The following HPRT1 variants were observed in gnomAD, a reference collection of about 807,000 sequenced individuals.
HPRT1 encodes hypoxanthine phosphoribosyltransferase 1, also known as hypoxanthine-guanine phosphoribosyltransferase.
Under a neutral mutation model 19.0 loss-of-function variants are expected in HPRT1, and 4 were observed. The observed-to-expected ratio is 0.21, with a 90% CI of 0.10 to 0.48. The LOEUF (loss-of-function observed/expected upper bound fraction) is 0.48. Ranked by LOEUF, HPRT1 falls within the 20% of genes least tolerant of loss-of-function variation. The probability of loss-of-function intolerance (pLI) is 0.98; values close to 1 mark genes in which losing one functional copy is unlikely to be tolerated. For synonymous variants in HPRT1, 53 were observed against 54.9 expected (o/e 0.97, Z 0.15); for missense variants, 65 against 164.0 (o/e 0.40, Z 3.30).
At chrX:134,486,041 C>A (rs1440448790) in intron 3 of HPRT1, among the ~76,000 whole-genome samples, 1 of 111,565 alleles carries the variant, frequency 9.0e-6, no homozygotes, top group Non-Finnish European at 1.9e-5. Flanking sequence ...CCAGCCCTTA[C>A]AATTTGCTTG....
At chrX:134,480,458 T>TC (rs2077636353) in intron 3 of HPRT1, among the ~76,000 whole-genome samples, 1 of 108,323 alleles carries the variant, frequency 9.2e-6, no homozygotes, top group Admixed American at 1.0e-4. Flanking sequence ...AGAAATGTTT[T>TC]TTTTTTTGAG....
chrX:134,498,686 TA>T lies in HPRT1; in HGVS notation c.609+4del. 1 of 1,102,401 alleles carries T rather than the reference TA, an allele frequency of 9.1e-7. No homozygotes were observed. Among genetic ancestry groups the T allele is most frequent in the Non-Finnish European group, 1.3e-6 (1 of 795,491 alleles). 90.9% of individuals were successfully genotyped at this position (1,102,401 alleles called of 1,213,427 possible). On this transcript the variant is annotated splice_donor_region_variant and intron_variant, in intron 8 of 8. Coordinates refer to ENST00000298556, the MANE Select transcript of HPRT1 (RefSeq NM_000194.3). ...AATGAATACTTCAGGGATTTGAATG[TA>T]AGTAATTGCTTCTTTTTCTCACTCA...
intron 6 of HPRT1, among the ~76,000 whole-genome samples, chrX:134,497,914 TC>T (rs1360512602): frequency 9.3e-6 from 1 of 107,922 alleles, no homozygotes; most frequent in Non-Finnish European, 1.9e-5. Flanking sequence ...GCCACTGCAC[TC>T]CAGCCTGGGC....
At position 134,480,322 on chromosome X, in the gene HPRT1, G is replaced by C. The variant is rs1195260183; in HGVS notation, c.318+4958G>C. On this transcript the variant is annotated intron_variant, in intron 3 of 8. Transcript: ENST00000298556. ...AACTGATGTGGATCCTCTAATATGG[G>C]CTTCCTATTATTCATTCTCTATTAG... Among the ~76,000 whole-genome samples the C allele has an allele frequency of 1.6e-4, 18 of 111,177 alleles. No homozygotes were observed. The East Asian group carries it at 2.5e-3, about 16-fold the overall frequency.
intron 3 of HPRT1, among the ~76,000 whole-genome samples, chrX:134,477,432 T>C (rs1248653878): frequency 9.0e-6 from 1 of 111,229 alleles, no homozygotes; most frequent in Non-Finnish European, 1.9e-5. Context: ...ATGTTTTAAC[T>C]ATACAATTCC....
chrX:134,483,575 A>C (rs1366591712), intron 3 of HPRT1, among the ~76,000 whole-genome samples: 1 of 111,079 alleles, frequency 9.0e-6, no homozygotes, highest in Non-Finnish European at 1.9e-5. Flanking sequence ...AGGGTAGAGC[A>C]ACTCTGGAGG....
chrX:134,499,882 A>T (rs2077691113), intron 8 of HPRT1, 148 bp from the exon 9 acceptor site: 1 of 468,958 alleles, frequency 2.1e-6, no homozygotes, highest in African/African-American at 2.4e-5. Context: ...TACACTCCCC[A>T]AAAGTTACTG....
At chrX:134,493,927 G>A (rs1156771188) in intron 6 of HPRT1, among the ~76,000 whole-genome samples, 1 of 111,598 alleles carries the variant, frequency 9.0e-6, no homozygotes, top group Non-Finnish European at 1.9e-5. Flanking sequence ...GAAGGGGTGG[G>A]CCCTGAAGAT....
At chrX:134,467,378 A>C (rs761030535) in intron 1 of HPRT1, among the ~76,000 whole-genome samples, 180 of 112,242 alleles carry the variant, frequency 1.6e-3, no homozygotes, top group Non-Finnish European at 3.0e-3. Flanking sequence ...TTGTAAATTT[A>C]TAATCATTCT....
At position 134,473,346 on chromosome X, in the gene HPRT1, A is replaced by T; in HGVS notation, c.28-13A>T. 1 of 986,803 alleles carries T rather than the reference A, an allele frequency of 1.0e-6. No individual in the cohort carries two copies. The highest frequency in any genetic ancestry group is 1.9e-5 in the South Asian group (1 of 52,376). 81.3% of individuals were successfully genotyped at this position (986,803 alleles called of 1,213,427 possible). A position where few individuals can be genotyped will look rare whatever the true frequency, so the allele number is the denominator to read the frequency against. ...GTAATGCTCTCATTGAAACAGCTAT[A>T]TTTCTTTTTCAGATTAGTGATGATG... On this transcript the variant is annotated splice_polypyrimidine_tract_variant and intron_variant, in intron 1 of 8. Coordinates refer to ENST00000298556, the MANE Select transcript of HPRT1 (RefSeq NM_000194.3).
intron 5 of HPRT1, 34 bp from the exon 6 acceptor site, chrX:134,493,474 A>G (rs752213035): frequency 2.0e-6 from 2 of 1,008,108 alleles, no homozygotes; most frequent in East Asian, 6.1e-5. Flanking sequence ...GTGACTCTGA[A>G]TTTAAAGCTA....
rs746922210 is a variant in HPRT1, at chrX:134,498,598, T to G, written c.533-10T>G. The G allele has an allele frequency of 8.7e-7, 1 of 1,150,309 alleles. No individual in the cohort carries two copies. Among genetic ancestry groups the G allele is most frequent in the South Asian group, 1.8e-5 (1 of 55,598 alleles). The allele number at this position is 1,150,309 out of a possible 1,213,427, so 94.8% of individuals were successfully genotyped here. On this transcript the variant is annotated splice_polypyrimidine_tract_variant and intron_variant, in intron 7 of 8. Transcript: ENST00000298556. The stretch of plus-strand genomic sequence containing the variant: ...TCTTTATCTAAATGATGAATTATGA[T>G]TCTTTTTAGTTGTTGGATTTGAAAT...
chrX:134,481,700 C>T (rs1314821626), intron 3 of HPRT1, among the ~76,000 whole-genome samples: 1 of 111,781 alleles, frequency 8.9e-6, no homozygotes, highest in Non-Finnish European at 1.9e-5. Flanking sequence ...AGTATACTTT[C>T]TAGTTCTTTC....
chrX:134,463,149 A>C (rs1317949227), intron 1 of HPRT1, among the ~76,000 whole-genome samples: 2 of 111,910 alleles, frequency 1.8e-5, no homozygotes, highest in African/African-American at 6.5e-5. Flanking sequence ...AGATAGTTGA[A>C]GTAACTTGCC....
rs760018529 is a variant in HPRT1 at position 134,494,417 on chromosome X, A to T, written c.485+827A>T. On this transcript the variant is annotated intron_variant, in intron 6 of 8. Coordinates refer to ENST00000298556, the MANE Select transcript of HPRT1 (RefSeq NM_000194.3). The stretch of plus-strand genomic sequence containing the variant: ...AACTTCTGCTTTTTCCTAAGTGATT[A>T]ACAGGTTTTTATAAGCCCTTTTGAA... 3.3e-4 allele frequency among the ~76,000 whole-genome samples: 37 copies of T among 112,366 alleles called. No homozygotes were observed. In the South Asian group the frequency reaches 0.014, roughly 41 times the overall value.
chrX:134,486,535 G>T lies in HPRT1; in HGVS notation c.384+5G>T. 9.0e-7 allele frequency: 1 copy of T among 1,111,665 alleles called. No individual in the cohort carries two copies. The highest frequency in any genetic ancestry group is 1.8e-5 in the African/African-American group (1 of 55,139). 91.6% of individuals were successfully genotyped at this position (1,111,665 alleles called of 1,213,427 possible). The stretch of plus-strand genomic sequence containing the variant: ...CTCTCAACTTTAACTGGAAAGGTAT[G>T]TATCTTGAAAGGGAAGAAAAAAAAG... On this transcript the variant is annotated splice_donor_5th_base_variant and intron_variant, in intron 4 of 8. Transcript: ENST00000298556.
In HPRT1 at chrX:134,475,187, A is replaced by G. The variant is rs368429361; in HGVS notation, c.141A>G (p.Glu47=). ...CCTGATTTTATTTCTGTAGGACTGA[A>G]CGTCTTGCTCGAGATGTGATGAAGG... The part of the protein sequence containing the change: ...IPHGLIMDRT[E]RLARDVMKEM... The change falls in exon 3 of 9, where the codon GAA becomes GAG. Residue 47 remains glutamate, a synonymous_variant. Coordinates refer to ENST00000298556, the MANE Select transcript of HPRT1 (RefSeq NM_000194.3). The G allele has an allele frequency of 4.2e-6, 5 of 1,197,658 alleles. No homozygotes were observed. The African/African-American group carries it at 8.8e-5, about 21-fold the overall frequency.
chrX:134,465,592 C>T (rs1372499087), intron 1 of HPRT1, among the ~76,000 whole-genome samples: 1 of 112,214 alleles, frequency 8.9e-6, no homozygotes, highest in Non-Finnish European at 1.9e-5. Flanking sequence ...AAGGTAATTT[C>T]TCAATACTCT....
intron 3 of HPRT1, among the ~76,000 whole-genome samples, chrX:134,484,259 A>AT (rs1278174594): frequency 8.0e-5 from 9 of 112,496 alleles, no homozygotes; most frequent in African/African-American, 2.3e-4. Context: ...TATTTAACAG[A>AT]TTTTATAAAT....
Sources: gnomAD v4.1 joint callset for allele counts (sites outside exome capture counted in the v4.1 genomes callset) on GRCh38, gnomAD v4.1.1 for gene constraint, MANE v1.5 for transcripts, NCBI Gene and HGNC (gene_info 2026-07-23, HGNC 2026-07-21) for gene names.